Variants in GRM7 observed in about 807,000 individuals in gnomAD.
The protein encoded by GRM7 is metabotropic glutamate receptor 7.
In GRM7, 35 loss-of-function variants were observed where a neutral mutation model predicts 84.5. The observed-to-expected ratio is 0.41, with a 90% CI of 0.32 to 0.55. The LOEUF is 0.55. Ranked by LOEUF, GRM7 falls within the 20% of genes least tolerant of loss-of-function variation. The pLI, the probability that GRM7 is intolerant of heterozygous loss-of-function variation, is 0.19. For synonymous variants in GRM7, 487 were observed against 455.1 expected, an observed-to-expected ratio of 1.07 and a Z score of -0.89; for missense variants, 1,003 against 1,194.6, an observed-to-expected ratio of 0.84 and a Z score of 2.36.
intron 4 of GRM7, among the ~76,000 whole-genome samples, chr3:7,406,360 C>T (rs1695677137): frequency 6.6e-6 from 1 of 151,860 alleles, no homozygotes; most frequent in Non-Finnish European, 1.5e-5. Context: ...ATTAGCCAGG[C>T]ATAGTGGCGG....
Position 7,547,194 on chromosome 3 carries a change from C to CTTT in GRM7, c.1516-31200_1516-31198dup, listed in dbSNP as rs55678792. Reference sequence around the variant, plus strand: ...CAGCACAGCCCCCAGAGAGTGAATTCTTTTTTTTTTTTTTTTTTTTTTTTT... The same window carrying CTTT: ...CAGCACAGCCCCCAGAGAGTGAATTCTTTTTTTTTTTTTTTTTTTTTTTTTTTT... On this transcript the variant is annotated intron_variant, in intron 7 of 9. Coordinates refer to ENST00000357716, the MANE Select transcript of GRM7 (RefSeq NM_000844.4). Among the ~76,000 whole-genome samples the CTTT allele has an allele frequency of 2.6e-4, 20 of 76,420 alleles. 1 individual carries two copies. The highest frequency in any genetic ancestry group is 7.5e-4 in the African/African-American group (13 of 17,422). The allele number at this position is 76,420 out of a possible 152,430, so 50.1% of individuals were successfully genotyped here. A position where few individuals can be genotyped will look rare whatever the true frequency, so the allele number is the denominator to read the frequency against.
At chr3:7,192,231 A>T (rs1695732686) in intron 2 of GRM7, among the ~76,000 whole-genome samples, 1 of 152,096 alleles carries the variant, frequency 6.6e-6, no homozygotes, top group South Asian at 2.1e-4. Context: ...AATTGGCATT[A>T]TTACCAAGGA....
In GRM7 at chr3:6,928,279, G is replaced by A. The variant is rs2125041739; in HGVS notation, c.519+66372G>A. 6.6e-6 allele frequency among the ~76,000 whole-genome samples: 1 copy of A among 152,130 alleles called. No individual in the cohort carries two copies. The highest frequency in any genetic ancestry group is 1.9e-4 in the East Asian group (1 of 5,178). On this transcript the variant is annotated intron_variant, in intron 1 of 9. Transcript: ENST00000357716. This position sits in a 1 kb window ranked among gnomAD's most constrained non-coding sequence, Gnocchi z 4.5. Reference sequence around the variant, plus strand: ...TTCCCAGGTACTAAAAAATGCAGTTGTAATGACTTGTTAACTTGTAGATAT... The same window carrying A: ...TTCCCAGGTACTAAAAAATGCAGTTATAATGACTTGTTAACTTGTAGATAT...
intron 9 of GRM7, among the ~76,000 whole-genome samples, chr3:7,732,845 TAAGA>T (rs1402211803): frequency 2.0e-5 from 3 of 152,168 alleles, no homozygotes; most frequent in African/African-American, 7.2e-5. Flanking sequence ...GCAAGTTTAT[TAAGA>T]AAGTAAAATA....
intron 8 of GRM7, among the ~76,000 whole-genome samples, chr3:7,587,421 A>C (rs1339448653): frequency 2.0e-5 from 3 of 152,142 alleles, no homozygotes; most frequent in African/African-American, 7.2e-5. Context: ...CTACCTGGGC[A>C]TTGGCAGGAG....
intron 1 of GRM7, among the ~76,000 whole-genome samples, chr3:7,056,005 A>G (rs1162883713): frequency 6.6e-6 from 1 of 151,972 alleles, no homozygotes; most frequent in Non-Finnish European, 1.5e-5. Flanking sequence ...AGCCAGTTAA[A>G]TGCTTACAAA....
intron 8 of GRM7, among the ~76,000 whole-genome samples, chr3:7,650,724 T>C (rs1403669421): frequency 1.3e-5 from 2 of 152,182 alleles, no homozygotes; most frequent in South Asian, 2.1e-4. Flanking sequence ...TTTGCTTTTA[T>C]TTATTTATTT....
At chr3:7,124,376 C>A (rs1300254349) in intron 1 of GRM7, among the ~76,000 whole-genome samples, 2 of 152,166 alleles carry the variant, frequency 1.3e-5, no homozygotes, top group Non-Finnish European at 2.9e-5. Flanking sequence ...CATGGTGGCT[C>A]ACGCTTGTAA....
intron 8 of GRM7, among the ~76,000 whole-genome samples, chr3:7,584,876 C>T (rs62235187): frequency 0.094 from 14,270 of 151,906 alleles, 972 homozygotes; most frequent in Non-Finnish European, 0.14. Flanking sequence ...ATAACATTGC[C>T]GACTATTTAA....
At chr3:7,059,364 C>T (rs1332846579) in intron 1 of GRM7, among the ~76,000 whole-genome samples, 1 of 151,704 alleles carries the variant, frequency 6.6e-6, no homozygotes, top group East Asian at 1.9e-4. Context: ...CTTCTTCTTT[C>T]CCCCTACCAT....
chr3:7,330,263 G>A (rs917765409), intron 4 of GRM7, among the ~76,000 whole-genome samples: 1 of 152,108 alleles, frequency 6.6e-6, no homozygotes, highest in East Asian at 1.9e-4. Flanking sequence ...GACGTTTTCA[G>A]TGATTCTATA....
intron 7 of GRM7, among the ~76,000 whole-genome samples, chr3:7,500,910 C>T (rs1699863137): frequency 6.6e-6 from 1 of 152,198 alleles, no homozygotes; most frequent in Non-Finnish European, 1.5e-5. Flanking sequence ...CCAGATATCC[C>T]ACATCATGAA....
intron 2 of GRM7, among the ~76,000 whole-genome samples, chr3:7,276,205 A>ATGTGTGTG (rs1208743241): frequency 2.2e-5 from 2 of 89,968 alleles, no homozygotes; most frequent in African/African-American, 1.1e-4. Flanking sequence ...ATATATATAT[A>ATGTGTGTG]TATGTGTGTG....
intron 8 of GRM7, among the ~76,000 whole-genome samples, chr3:7,584,090 A>G (rs1206810870): frequency 1.3e-5 from 2 of 152,240 alleles, no homozygotes; most frequent in Non-Finnish European, 2.9e-5. Context: ...AAAAAGTGGC[A>G]TGACAATGTA....
chr3:7,341,832 T>A (rs1207727974), intron 4 of GRM7, among the ~76,000 whole-genome samples: 1 of 152,138 alleles, frequency 6.6e-6, no homozygotes, highest in Non-Finnish European at 1.5e-5. Context: ...TGCTCAAGTT[T>A]CATGCTAAGT....
At chr3:6,945,911 T>C (rs1160906209) in intron 1 of GRM7, among the ~76,000 whole-genome samples, 39 of 152,256 alleles carry the variant, frequency 2.6e-4, no homozygotes, top group African/African-American at 8.9e-4. Context: ...GGTGGGGTTG[T>C]TTTTTTCTTG....
At chr3:6,906,799 G>A (rs568367510) in intron 1 of GRM7, among the ~76,000 whole-genome samples, 2 of 151,692 alleles carry the variant, frequency 1.3e-5, no homozygotes, top group East Asian at 1.9e-4. Flanking sequence ...AGTATCTCCA[G>A]GGTTGAAAAA....
At chr3:7,515,029 C>A (rs1700327503) in intron 7 of GRM7, among the ~76,000 whole-genome samples, 1 of 151,766 alleles carries the variant, frequency 6.6e-6, no homozygotes, top group African/African-American at 2.4e-5. Context: ...CTTAGGCAAG[C>A]CATTCAGCCT....
chr3:7,355,352 C>G (rs1269547333), intron 4 of GRM7, among the ~76,000 whole-genome samples: 6 of 152,018 alleles, frequency 3.9e-5, no homozygotes, highest in Non-Finnish European at 8.8e-5. Context: ...GGGCCCAGAA[C>G]AGAAAAATCT....
Sources: gnomAD v4.1 joint callset for allele counts (sites outside exome capture counted in the v4.1 genomes callset) on GRCh38, gnomAD v4.1.1 for gene constraint, Gnocchi (gnomAD v3.1) non-coding constraint, MANE v1.5 for transcripts, NCBI Gene and HGNC (gene_info 2026-07-23, HGNC 2026-07-21) for gene names.